Variants in VPS35L observed in about 807,000 individuals in gnomAD.
VPS35L encodes VPS35 endosomal protein-sorting factor-like.
Under a neutral mutation model 133.0 loss-of-function variants are expected in VPS35L, and 83 were observed. That is an observed-to-expected ratio of 0.62 (90% CI 0.52 to 0.75). The LOEUF is 0.75. Among genes scored for constraint, VPS35L ranks in the 30% least tolerant of loss-of-function variants. The probability of loss-of-function intolerance (pLI) is 0.00; values close to 1 mark genes in which losing one functional copy is unlikely to be tolerated. For synonymous variants in VPS35L, 423 were observed against 449.9 expected, an observed-to-expected ratio of 0.94 and a Z score of 0.76; for missense variants, 1,083 against 1,206.8, an observed-to-expected ratio of 0.90 and a Z score of 1.52.
intron 1 of VPS35L, among the ~76,000 whole-genome samples, chr16:19,561,772 G>T (rs1359541939): frequency 6.6e-6 from 1 of 152,086 alleles, no homozygotes; most frequent in African/African-American, 2.4e-5. Flanking sequence ...TACTGGGATG[G>T]GATATTTTAC....
At chr16:19,630,850 A>C (rs8063852) in intron 18 of VPS35L, among the ~76,000 whole-genome samples, 60,565 of 150,708 alleles carry the variant, frequency 0.4, 12,765 homozygotes, top group African/African-American at 0.53. Context: ...ACTAAAAATA[A>C]AAAAAAAAAT....
At chr16:19,677,806 C>A (rs1243612882) in intron 27 of VPS35L, among the ~76,000 whole-genome samples, 1 of 152,214 alleles carries the variant, frequency 6.6e-6, no homozygotes, top group Admixed American at 6.5e-5. Context: ...TTTCCTTTCC[C>A]TGTTCTTCCT....
rs377672011 is a variant in VPS35L, at chr16:19,637,517, TGA to T, written c.1636-72_1636-71del. 6 of 1,124,456 alleles carry T rather than the reference TGA, an allele frequency of 5.3e-6. No individual in the cohort carries two copies. In the African/African-American group the frequency reaches 8.0e-5, roughly 15 times the overall value. The allele number at this position is 1,124,456 out of a possible 1,614,324, so 69.7% of individuals were successfully genotyped here. ...TTTTAAAAAAAAATTTAGGTTTTCC[TGA>T]GAGAATGTAAACCAGAAAGAAATTT... On this transcript the variant is annotated intron_variant, in intron 19 of 30. Coordinates refer to ENST00000417362, the MANE Select transcript of VPS35L (RefSeq NM_020314.7).
chr16:19,651,073 G>T (rs1974108914), intron 25 of VPS35L, among the ~76,000 whole-genome samples: 1 of 152,064 alleles, frequency 6.6e-6, no homozygotes, highest in African/African-American at 2.4e-5. Flanking sequence ...TAGAGATGGG[G>T]GTTTCACCAT....
At chr16:19,694,126 C>T (rs957945948) in intron 29 of VPS35L, 5 of 151,738 alleles carry the variant, frequency 3.3e-5, no homozygotes, top group Admixed American at 1.3e-4. Context: ...AATGCTTAGG[C>T]GACAGACACC....
chr16:19,580,677 C>G (rs763432600), intron 6 of VPS35L, among the ~76,000 whole-genome samples: 1 of 152,036 alleles, frequency 6.6e-6, no homozygotes, highest in Non-Finnish European at 1.5e-5. Flanking sequence ...GTCTTTCTGT[C>G]CTGATTACTC....
At chr16:19,586,248 A>G (rs867372557) in intron 7 of VPS35L, among the ~76,000 whole-genome samples, 6 of 152,048 alleles carry the variant, frequency 3.9e-5, no homozygotes, top group Non-Finnish European at 8.8e-5. Flanking sequence ...TTTGTCAAGT[A>G]TAGGATCTCC....
rs1973516237 is a variant in VPS35L at position 19,633,296 on chromosome 16, A to G, written c.1635+124A>G. ...CCTGTGTTTGAATCATAGCTCTGCC[A>G]TATCCTAGCCATGTGCCCTTTGATC... On this transcript the variant is annotated intron_variant, in intron 19 of 30. Transcript: ENST00000417362. The surrounding 1 kb of genome is among the most constrained non-coding windows in gnomAD (Gnocchi z 4.1). The G allele has an allele frequency of 1.1e-6, 1 of 891,416 alleles. No individual in the cohort carries two copies. The highest frequency in any genetic ancestry group is 1.8e-6 in the Non-Finnish European group (1 of 550,218). 55.2% of individuals were successfully genotyped at this position (891,416 alleles called of 1,614,324 possible).
chr16:19,677,463 C>G (rs185451601), intron 27 of VPS35L, among the ~76,000 whole-genome samples: 2 of 152,078 alleles, frequency 1.3e-5, no homozygotes, highest in African/African-American at 2.4e-5. Context: ...GGAGAGTTCC[C>G]GAAGAAAGTG....
At chr16:19,685,830 T>A (rs543674338) in intron 28 of VPS35L, among the ~76,000 whole-genome samples, 1 of 152,280 alleles carries the variant, frequency 6.6e-6, no homozygotes, top group Non-Finnish European at 1.5e-5. Flanking sequence ...GAGAGAAAGC[T>A]TTGAGGACCA....
intron 2 of VPS35L, among the ~76,000 whole-genome samples, chr16:19,565,663 A>T (rs1971166909): frequency 6.6e-6 from 1 of 152,030 alleles, no homozygotes; most frequent in Non-Finnish European, 1.5e-5. Flanking sequence ...TGCATATTTA[A>T]ATCAACCAGT....
chr16:19,634,908 A>G (rs1313467730), intron 19 of VPS35L, among the ~76,000 whole-genome samples: 1 of 152,248 alleles, frequency 6.6e-6, no homozygotes, highest in Admixed American at 6.5e-5. Context: ...CTCACCAATG[A>G]GGAGCAAAAG....
intron 28 of VPS35L, among the ~76,000 whole-genome samples, chr16:19,688,826 C>T (rs1376198134): frequency 6.6e-6 from 1 of 152,320 alleles, no homozygotes; most frequent in East Asian, 1.9e-4. Context: ...AAGGAAAGAA[C>T]TGGCTCTGTA....
chr16:19,624,446 A>G lies in VPS35L; in HGVS notation c.1225-1731A>G, dbSNP rs1973195570. 2.6e-5 allele frequency among the ~76,000 whole-genome samples: 4 copies of G among 151,874 alleles called. 1 individual carries two copies. In the South Asian group the frequency reaches 6.2e-4, roughly 24 times the overall value. On this transcript the variant is annotated intron_variant, in intron 14 of 30. Transcript: ENST00000417362. ...AAAAATACAAAAAAATTAGCCAGGCATGATGGCACACACCTATAGTCCCAG... is the reference window on the plus strand; with the variant it reads ...AAAAATACAAAAAAATTAGCCAGGCGTGATGGCACACACCTATAGTCCCAG...
At chr16:19,667,427 G>A (rs554874710) in intron 26 of VPS35L, among the ~76,000 whole-genome samples, 23 of 152,192 alleles carry the variant, frequency 1.5e-4, no homozygotes, top group Admixed American at 7.2e-4. Flanking sequence ...ACCAAAATAC[G>A]TAACAGGCTT....
At chr16:19,654,630 C>T (rs11865712) in intron 26 of VPS35L, among the ~76,000 whole-genome samples, 7,145 of 151,842 alleles carry the variant, frequency 0.047, 565 homozygotes, top group African/African-American at 0.16. Context: ...CCTAGTGATG[C>T]ACAGGATGAA....
chr16:19,644,949 GGTAA>G lies in VPS35L; in HGVS notation c.1929+4_1929+7del. 2 of 1,589,874 alleles carry G rather than the reference GGTAA, an allele frequency of 1.3e-6. No individual in the cohort carries two copies. Among genetic ancestry groups the G allele is most frequent in the Non-Finnish European group, 1.7e-6 (2 of 1,159,464 alleles). On this transcript the variant is annotated splice_donor_variant and splice_donor_region_variant and intron_variant, in intron 23 of 30. Transcript: ENST00000417362. LOFTEE classifies it high-confidence loss of function. ...ATTTGATTAATGGATTTATAAAAATGGTAAGTATTAGGGAAGAAGTTTCAGTGCA... is the reference window on the plus strand; with the variant it reads ...ATTTGATTAATGGATTTATAAAAATGGTATTAGGGAAGAAGTTTCAGTGCA...
chr16:19,661,086 G>A (rs1974471023), intron 26 of VPS35L, among the ~76,000 whole-genome samples: 1 of 142,522 alleles, frequency 7.0e-6, no homozygotes. Flanking sequence ...ATATATATAT[G>A]TAGTTCTCTT....
intron 13 of VPS35L, among the ~76,000 whole-genome samples, chr16:19,616,422 C>T (rs1312671987): frequency 6.6e-6 from 1 of 152,056 alleles, no homozygotes; most frequent in Non-Finnish European, 1.5e-5. Flanking sequence ...GTCGATCAGC[C>T]TTGCTTCTGA....
Sources: allele counts gnomAD v4.1 joint callset (sites outside exome capture counted in the v4.1 genomes callset), GRCh38; gene constraint gnomAD v4.1.1; non-coding constraint Gnocchi (gnomAD v3.1); transcripts MANE v1.5; gene names NCBI Gene and HGNC (gene_info 2026-07-23, HGNC 2026-07-21).